Variants in RAB5A observed in about 807,000 individuals in gnomAD.
RAB5A encodes the protein RAB5A, member RAS oncogene family, also known as ras-related protein Rab-5A.
RAB5A carries 8 observed loss-of-function variants against 25.7 expected under a neutral mutation model. That is an observed-to-expected ratio of 0.31 (90% CI 0.18 to 0.56). The LOEUF is 0.56. Ranked by LOEUF, RAB5A falls within the 20% of genes least tolerant of loss-of-function variation. The pLI is 0.91. For missense variants in RAB5A, 192 were observed against 259.7 expected (o/e 0.74, Z 1.79); for synonymous variants, 98 against 89.8 (o/e 1.09, Z -0.52).
chr3:19,973,074 G>A (rs1164654904), intron 2 of RAB5A, among the ~76,000 whole-genome samples: 3 of 152,166 alleles, frequency 2.0e-5, no homozygotes, highest in African/African-American at 7.2e-5. Context: ...GATATTATAA[G>A]TAATCTAGAG....
intron 2 of RAB5A, among the ~76,000 whole-genome samples, chr3:19,973,323 T>C (rs2125190205): frequency 6.6e-6 from 1 of 152,056 alleles, no homozygotes; most frequent in Non-Finnish European, 1.5e-5. Context: ...TTAGTACTAG[T>C]AGACTTTGTG....
intron 1 of RAB5A, among the ~76,000 whole-genome samples, chr3:19,948,067 CTG>C (rs1194189935): frequency 4.6e-5 from 7 of 152,162 alleles, no homozygotes; most frequent in African/African-American, 1.7e-4. Context: ...TCAAAATAGG[CTG>C]TCTAGAGACT....
intron 2 of RAB5A, chr3:19,951,264 T>C: frequency 1.9e-6 from 1 of 520,748 alleles, no homozygotes; most frequent in Admixed American, 3.5e-5. Flanking sequence ...GGTTAATCCC[T>C]TGTGGTTATA....
intron 2 of RAB5A, among the ~76,000 whole-genome samples, chr3:19,953,847 T>A (rs1027257760): frequency 2.6e-5 from 4 of 152,218 alleles, no homozygotes; most frequent in Non-Finnish European, 5.9e-5. Flanking sequence ...GCTCTTCACC[T>A]TTAGGAACTA....
chr3:19,982,801 T>G (rs1416779922), intron 5 of RAB5A, among the ~76,000 whole-genome samples: 1 of 151,682 alleles, frequency 6.6e-6, no homozygotes, highest in Non-Finnish European at 1.5e-5. Context: ...ATAGATGTTT[T>G]AAGGCCAAAG....
chr3:19,980,759 A>T (rs1168240206), intron 5 of RAB5A, among the ~76,000 whole-genome samples: 1 of 152,066 alleles, frequency 6.6e-6, no homozygotes, highest in Admixed American at 6.6e-5. Context: ...TTGACTGGAG[A>T]TTTACCATTA....
At chr3:19,969,021 T>C (rs1198750924) in intron 2 of RAB5A, among the ~76,000 whole-genome samples, 1 of 141,060 alleles carries the variant, frequency 7.1e-6, no homozygotes, top group South Asian at 2.2e-4. Context: ...ATTGGTGTTT[T>C]TTGGTTTTGG....
chr3:19,971,209 A>AC (rs1178684544), intron 2 of RAB5A, among the ~76,000 whole-genome samples: 2 of 138,904 alleles, frequency 1.4e-5, no homozygotes, highest in East Asian at 1.9e-4. Context: ...AAAAAAAAAA[A>AC]AAAAAACACT....
chr3:19,983,616 C>G (rs1177830249), intron 5 of RAB5A, 92 bp from the exon 6 acceptor site: 2 of 875,508 alleles, frequency 2.3e-6, no homozygotes, highest in Admixed American at 4.1e-5. Context: ...TTGGGGGTAA[C>G]CTAACTGGAA....
intron 5 of RAB5A, among the ~76,000 whole-genome samples, chr3:19,981,076 C>T (rs565929730): frequency 9.2e-5 from 14 of 152,268 alleles, no homozygotes; most frequent in African/African-American, 3.1e-4. Context: ...TGATAGAGAT[C>T]AGTGTGTGCA....
At chr3:19,951,096 G>A (rs10510496) in intron 2 of RAB5A, 35 bp downstream of exon 2, 286,629 of 1,598,494 alleles carry the variant, frequency 0.18, 28,171 homozygotes, top group Middle Eastern at 0.21. Flanking sequence ...TCATTTAATC[G>A]AATCATACAT....
At chr3:19,957,473 C>G in intron 2 of RAB5A, among the ~76,000 whole-genome samples, 1 of 143,844 alleles carries the variant, frequency 7.0e-6, no homozygotes, top group East Asian at 2.0e-4. Flanking sequence ...GCCAACATGG[C>G]CAAACCCCAT....
intron 4 of RAB5A, among the ~76,000 whole-genome samples, chr3:19,977,644 CACTT>C (rs1490460530): frequency 6.6e-6 from 1 of 152,126 alleles, no homozygotes; most frequent in Non-Finnish European, 1.5e-5. Flanking sequence ...GCAGAGAAAA[CACTT>C]AAATTACAGT....
intron 2 of RAB5A, among the ~76,000 whole-genome samples, chr3:19,957,142 TG>T (rs1246660483): frequency 6.6e-6 from 1 of 151,952 alleles, no homozygotes; most frequent in Non-Finnish European, 1.5e-5. Flanking sequence ...GTGCCTAAGC[TG>T]GTCTCAAACT....
At chr3:19,967,896 A>G (rs1314432031) in intron 2 of RAB5A, among the ~76,000 whole-genome samples, 1 of 152,208 alleles carries the variant, frequency 6.6e-6, no homozygotes, top group Non-Finnish European at 1.5e-5. Flanking sequence ...TTCATAGGAA[A>G]TAAAAATGGC....
chr3:19,975,857 C>G, intron 3 of RAB5A, 105 bp downstream of exon 3: 1 of 1,363,860 alleles, frequency 7.3e-7, no homozygotes, highest in Non-Finnish European at 9.9e-7. Context: ...TAGTCATGAC[C>G]TTTCTGCTGA....
chr3:19,956,298 A>G (rs1294770879), intron 2 of RAB5A, among the ~76,000 whole-genome samples: 2 of 152,100 alleles, frequency 1.3e-5, no homozygotes. Context: ...TGGTAAAAAT[A>G]CCAGAATTAG....
In RAB5A at chr3:19,984,101, A is replaced by G. The variant is rs1696986381; in HGVS notation, c.*278A>G. 1 of 414,232 alleles carries G rather than the reference A, an allele frequency of 2.4e-6. No homozygotes were observed. Among genetic ancestry groups the G allele is most frequent in the Non-Finnish European group, 4.5e-6 (1 of 222,630 alleles). 25.7% of individuals were successfully genotyped at this position (414,232 alleles called of 1,614,324 possible). On this transcript the variant is annotated 3_prime_UTR_variant, in exon 6 of 6. Transcript: ENST00000273047. ...GGAATAATTTCTCATCACTAGGAAT[A>G]TAGACAAATGACTGTCTGGGCCCAC...
At chr3:19,956,441 G>A (rs886790608) in intron 2 of RAB5A, among the ~76,000 whole-genome samples, 11 of 152,198 alleles carry the variant, frequency 7.2e-5, no homozygotes, top group African/African-American at 2.4e-4. Flanking sequence ...GCGACAGGGC[G>A]AGACTCCGTC....
Sources: gnomAD v4.1 joint callset for allele counts (sites outside exome capture counted in the v4.1 genomes callset) on GRCh38, gnomAD v4.1.1 for gene constraint, MANE v1.5 for transcripts, NCBI Gene and HGNC (gene_info 2026-07-23, HGNC 2026-07-21) for gene names.